Variants in KCNMB2 observed in about 807,000 individuals in gnomAD.
KCNMB2 encodes the protein calcium-activated potassium channel subunit beta-2.
KCNMB2 carries 9 observed loss-of-function variants against 24.5 expected under a neutral mutation model. The observed-to-expected ratio is 0.37, with a 90% CI of 0.22 to 0.64. The LOEUF (loss-of-function observed/expected upper bound fraction) is 0.64, where lower values mean the gene tolerates loss of function less well. KCNMB2 is among the 30% of genes least tolerant of loss of function. The pLI is 0.63. For synonymous variants in KCNMB2, 109 were observed against 104.4 expected (o/e 1.04, Z -0.27); for missense variants, 226 against 284.3 (o/e 0.79, Z 1.47).
intron 1 of KCNMB2, among the ~76,000 whole-genome samples, chr3:178,678,950 G>A (rs558414694): frequency 3.4e-4 from 52 of 151,524 alleles, no homozygotes; most frequent in African/African-American, 1.2e-3. Flanking sequence ...CACTCTATTC[G>A]TACCCTTCTT....
chr3:178,687,715 T>C (rs943266215), intron 1 of KCNMB2, among the ~76,000 whole-genome samples: 5 of 152,196 alleles, frequency 3.3e-5, no homozygotes, highest in Non-Finnish European at 7.4e-5. Context: ...GAGAAAGTAC[T>C]AGGAAAATAC....
chr3:178,828,934 T>A (rs1201505939), intron 4 of KCNMB2, among the ~76,000 whole-genome samples: 1,014 of 49,906 alleles, frequency 0.02, 11 homozygotes, highest in African/African-American at 0.056. Context: ...ACTGTGTGTG[T>A]GTGTGTGTGT....
At chr3:178,750,907 G>T (rs897908830) in intron 1 of KCNMB2, among the ~76,000 whole-genome samples, 2 of 152,148 alleles carry the variant, frequency 1.3e-5, no homozygotes, top group Admixed American at 6.5e-5. Flanking sequence ...TTTAAATTCT[G>T]CCTGAGTACA....
chr3:178,554,803 T>A (rs2108458396), intron 1 of KCNMB2, among the ~76,000 whole-genome samples: 1 of 152,340 alleles, frequency 6.6e-6, no homozygotes, highest in African/African-American at 2.4e-5. Context: ...TGCAAATTAG[T>A]ACTGATTACT....
At chr3:178,760,215 TATATCTATATATAG>T (rs1711756299) in intron 1 of KCNMB2, among the ~76,000 whole-genome samples, 2 of 46,244 alleles carry the variant, frequency 4.3e-5, no homozygotes, top group African/African-American at 8.9e-5. Flanking sequence ...TCCAAGAGGA[TATATCTATATATAG>T]ATATATCCAA....
intron 1 of KCNMB2, among the ~76,000 whole-genome samples, chr3:178,755,053 C>T (rs1033537358): frequency 6.6e-6 from 1 of 152,218 alleles, no homozygotes; most frequent in African/African-American, 2.4e-5. Flanking sequence ...TTAGGCTCCC[C>T]TACCGCATCT....
At chr3:178,835,681 T>A (rs1325857160) in intron 4 of KCNMB2, among the ~76,000 whole-genome samples, 2 of 151,124 alleles carry the variant, frequency 1.3e-5, no homozygotes, top group African/African-American at 4.9e-5. Context: ...TATTTATGTT[T>A]CACATGAGCA....
chr3:178,683,361 T>C (rs566915362), intron 1 of KCNMB2, among the ~76,000 whole-genome samples: 1 of 151,582 alleles, frequency 6.6e-6, no homozygotes, highest in East Asian at 1.9e-4. Context: ...TCAAAAAAAC[T>C]AACTGTTGGG....
In KCNMB2 at chr3:178,655,146, C is replaced by T. The variant is rs560080378; in HGVS notation, c.-68+118435C>T. Among the ~76,000 whole-genome samples, 110 of 146,830 alleles carry T rather than the reference C, an allele frequency of 7.5e-4. 1 individual carries two copies. The highest frequency in any genetic ancestry group is 2.7e-3 in the African/African-American group (104 of 38,846). On this transcript the variant is annotated intron_variant, in intron 1 of 4. Transcript: ENST00000452583. Reference sequence around the variant, plus strand: ...TCTCTCTCTCTCTCTCTCTCTCTATCTCTATTTCTCTGGGACTTAGTGAAA... The same window carrying T: ...TCTCTCTCTCTCTCTCTCTCTCTATTTCTATTTCTCTGGGACTTAGTGAAA...
At chr3:178,771,481 T>C (rs1312917367) in intron 1 of KCNMB2, among the ~76,000 whole-genome samples, 1 of 134,064 alleles carries the variant, frequency 7.5e-6, no homozygotes, top group Admixed American at 7.3e-5. Context: ...TTCTTTTTTT[T>C]TTTTTTTTTT....
intron 1 of KCNMB2, among the ~76,000 whole-genome samples, chr3:178,758,233 TCCAAGGGG>T (rs1367630312): frequency 1.2e-4 from 4 of 32,844 alleles, no homozygotes; most frequent in Non-Finnish European, 2.0e-4. Flanking sequence ...TATATATATA[TCCAAGGGG>T]ATATATATAT....
chr3:178,638,262 C>T (rs763560680), intron 1 of KCNMB2, among the ~76,000 whole-genome samples: 1 of 152,122 alleles, frequency 6.6e-6, no homozygotes, highest in Non-Finnish European at 1.5e-5. Context: ...AATTCAAACT[C>T]CCCAGACTGT....
At chr3:178,719,008 A>C (rs1722710965) in intron 1 of KCNMB2, among the ~76,000 whole-genome samples, 1 of 152,170 alleles carries the variant, frequency 6.6e-6, no homozygotes, top group Non-Finnish European at 1.5e-5. Context: ...TGGGTCTCTA[A>C]GCTAATGATC....
Position 178,554,178 on chromosome 3 carries a change from G to A in KCNMB2, c.-68+17467G>A, listed in dbSNP as rs537604082. 5.3e-5 allele frequency among the ~76,000 whole-genome samples: 8 copies of A among 152,180 alleles called. No individual in the cohort carries two copies. In the South Asian group the frequency reaches 1.7e-3, roughly 32 times the overall value. ...ACTTCTTCAAAGTTACAGTTAACAA[G>A]TGTTAAGGCCTAATTCAAATTCAGT... On this transcript the variant is annotated intron_variant, in intron 1 of 4. Coordinates refer to ENST00000452583, the MANE Select transcript of KCNMB2 (RefSeq NM_181361.3).
chr3:178,824,793 C>G (rs1001031866), intron 2 of KCNMB2: 1 of 152,204 alleles, frequency 6.6e-6, no homozygotes. Flanking sequence ...GACTAAGGCA[C>G]TTGTTATTGA....
chr3:178,680,104 G>A (rs11920669), intron 1 of KCNMB2, among the ~76,000 whole-genome samples: 108,012 of 151,920 alleles, frequency 0.71, 38,812 homozygotes, highest in African/African-American at 0.84. Flanking sequence ...ACCCCTCTGC[G>A]CATAAATTAG....
chr3:178,800,207 T>C (rs956352456), intron 1 of KCNMB2, among the ~76,000 whole-genome samples: 3 of 151,958 alleles, frequency 2.0e-5, no homozygotes, highest in African/African-American at 7.3e-5. Flanking sequence ...AGCTTCTGCA[T>C]AGCAAAGAAA....
chr3:178,570,576 C>T (rs1377499493), intron 1 of KCNMB2, among the ~76,000 whole-genome samples: 1 of 129,062 alleles, frequency 7.7e-6, no homozygotes, highest in African/African-American at 2.8e-5. Context: ...TTGTTAATAA[C>T]TCAGTATAAC....
intron 2 of KCNMB2, among the ~76,000 whole-genome samples, chr3:178,812,300 A>G (rs1714223682): frequency 1.3e-5 from 2 of 151,790 alleles, no homozygotes; most frequent in Non-Finnish European, 2.9e-5. Context: ...GGTTTGTTAC[A>G]TATGTATACA....
Sources: gnomAD v4.1 joint callset for allele counts (sites outside exome capture counted in the v4.1 genomes callset) on GRCh38, gnomAD v4.1.1 for gene constraint, MANE v1.5 for transcripts, NCBI Gene and HGNC (gene_info 2026-07-23, HGNC 2026-07-21) for gene names.